PPP1R13B: variants seen among roughly 807,000 people sequenced by gnomAD.
The protein encoded by PPP1R13B is protein phosphatase 1 regulatory subunit 13B.
In PPP1R13B, 44 loss-of-function variants were observed where a neutral mutation model predicts 119.8. The ratio of observed to expected loss-of-function variants is 0.37; its 90% CI spans 0.29 to 0.47. PPP1R13B has a LOEUF of 0.47. Ranked by LOEUF, PPP1R13B falls within the 20% of genes least tolerant of loss-of-function variation. PPP1R13B has a pLI of 0.99. For synonymous variants in PPP1R13B, 542 were observed against 561.5 expected, an observed-to-expected ratio of 0.97 and a Z score of 0.49; for missense variants, 1,227 against 1,413.5, an observed-to-expected ratio of 0.87 and a Z score of 2.12.
chr14:103,767,448 C>T (rs899765651), intron 4 of PPP1R13B, among the ~76,000 whole-genome samples: 5 of 151,986 alleles, frequency 3.3e-5, no homozygotes, highest in African/African-American at 7.2e-5. Context: ...TCTGAGATTC[C>T]AGGAGTTGTG....
chr14:103,793,199 GAGGAAAGGAA>G (rs967080084), intron 2 of PPP1R13B, among the ~76,000 whole-genome samples: 2 of 151,094 alleles, frequency 1.3e-5, no homozygotes, highest in South Asian at 2.1e-4. Context: ...GAAGAGAAGT[GAGGAAAGGAA>G]AGAAAAGGAA....
chr14:103,812,714 CA>C (rs2086190594), intron 1 of PPP1R13B, among the ~76,000 whole-genome samples: 1 of 152,208 alleles, frequency 6.6e-6, no homozygotes, highest in African/African-American at 2.4e-5. Flanking sequence ...CGCACCTGGC[CA>C]AAACAACCTA....
intron 8 of PPP1R13B, among the ~76,000 whole-genome samples, chr14:103,748,116 TGCACGC>T (rs1318789286): frequency 2.2e-4 from 29 of 132,188 alleles, no homozygotes; most frequent in East Asian, 9.6e-4. Context: ...CACACACACG[TGCACGC>T]GCACGCTACT....
At position 103,742,286 on chromosome 14, in the gene PPP1R13B, G is replaced by A. The variant is rs146468081; in HGVS notation, c.1326C>T (p.Ile442=). 9.6e-6 allele frequency: 15 copies of A among 1,554,468 alleles called. No individual in the cohort carries two copies. Among genetic ancestry groups the A allele is most frequent in the Middle Eastern group, 1.7e-4 (1 of 5,824 alleles). The change falls in exon 11 of 17, where the codon ATC becomes ATT. Residue 442 remains isoleucine (I), a synonymous_variant. Coordinates refer to ENST00000202556, the MANE Select transcript of PPP1R13B (RefSeq NM_015316.3). The surrounding 1 kb of genome is among the most constrained non-coding windows in gnomAD (Gnocchi z 4.9). Reference sequence around the variant, plus strand: ...TGGGAGGTGGCACTTTACCAATCTCGATGCCCTAAGTTTAGGTGTTAAGAA... The same window carrying A: ...TGGGAGGTGGCACTTTACCAATCTCAATGCCCTAAGTTTAGGTGTTAAGAA... ...SALGPTEKPG[I]EIGKVPPPIP...
intron 4 of PPP1R13B, among the ~76,000 whole-genome samples, chr14:103,766,170 A>T (rs947221160): frequency 2.0e-5 from 3 of 151,794 alleles, no homozygotes; most frequent in Non-Finnish European, 4.4e-5. Context: ...CACCATGCCC[A>T]GCTAATTTTT....
intron 2 of PPP1R13B, among the ~76,000 whole-genome samples, chr14:103,788,069 C>T (rs1595773388): frequency 6.6e-6 from 1 of 151,104 alleles, no homozygotes; most frequent in East Asian, 2.0e-4. Context: ...GCCATGACTG[C>T]ACAATGCACT....
chr14:103,776,338 G>A (rs2085195040), intron 4 of PPP1R13B, among the ~76,000 whole-genome samples: 1 of 152,144 alleles, frequency 6.6e-6, no homozygotes, highest in Non-Finnish European at 1.5e-5. Flanking sequence ...AAGTATATGA[G>A]GTAGGGTCAC....
intron 1 of PPP1R13B, among the ~76,000 whole-genome samples, chr14:103,812,630 G>A (rs1459335454): frequency 6.6e-6 from 1 of 151,894 alleles, no homozygotes; most frequent in Non-Finnish European, 1.5e-5. Flanking sequence ...TGTTGGCCAG[G>A]CTGGTCTCGA....
chr14:103,830,946 T>TC (rs2086652417), intron 1 of PPP1R13B, among the ~76,000 whole-genome samples: 1 of 150,696 alleles, frequency 6.6e-6, no homozygotes, highest in Non-Finnish European at 1.5e-5. Flanking sequence ...TCAAGTAATT[T>TC]TTTTTTTTTT....
At chr14:103,778,959 T>C (rs2085274749) in intron 3 of PPP1R13B, 138 bp from the exon 4 acceptor site, 3 of 693,258 alleles carry the variant, frequency 4.3e-6, no homozygotes, top group African/African-American at 3.6e-5. Context: ...TTTAGTACAG[T>C]TGAAAAAATG....
At chr14:103,808,997 G>A (rs1425788952) in intron 1 of PPP1R13B, among the ~76,000 whole-genome samples, 1 of 152,036 alleles carries the variant, frequency 6.6e-6, no homozygotes, top group South Asian at 2.1e-4. Flanking sequence ...CAACTTTCAA[G>A]TAGCTGAGAC....
rs548679108 is a variant in PPP1R13B, at chr14:103,794,500, G to GT, written c.157+2870dup. The GT allele has an allele frequency of 2.9e-4, 76 of 261,596 alleles. No individual in the cohort carries two copies. In the East Asian group the frequency reaches 7.0e-3, roughly 24 times the overall value. 16.2% of individuals were successfully genotyped at this position (261,596 alleles called of 1,614,324 possible). Reference sequence around the variant, plus strand: ...CACCACCATGCCCAGCTAATTTTTTGTTTTTTTAGTAGAGACAGGGTTTCA... The same window carrying GT: ...CACCACCATGCCCAGCTAATTTTTTGTTTTTTTTAGTAGAGACAGGGTTTCA... On this transcript the variant is annotated intron_variant, in intron 2 of 16. Transcript: ENST00000202556.
At chr14:103,746,919 CCT>C (rs2084399403) in intron 8 of PPP1R13B, 1 of 164,258 alleles carries the variant, frequency 6.1e-6, no homozygotes, top group South Asian at 1.9e-4. Context: ...CTTCAAATCC[CCT>C]CTGTGACTTA....
In PPP1R13B at chr14:103,734,977, GCAA is replaced by G. The variant is rs1401781356; in HGVS notation, c.*174_*176del. The G allele has an allele frequency of 2.6e-6, 2 of 764,990 alleles. No individual in the cohort carries two copies. Among genetic ancestry groups the G allele is most frequent in the East Asian group, 5.4e-5 (2 of 37,082 alleles). 47.4% of individuals were successfully genotyped at this position (764,990 alleles called of 1,614,324 possible). On this transcript the variant is annotated 3_prime_UTR_variant, in exon 17 of 17. Coordinates refer to ENST00000202556, the MANE Select transcript of PPP1R13B (RefSeq NM_015316.3). ...CGAAAGTACCTCTCCCAGTTAATGGGCAAACTGGAGAAAGGGCCTCACCTGGAA... is the reference window on the plus strand; with the variant it reads ...CGAAAGTACCTCTCCCAGTTAATGGGACTGGAGAAAGGGCCTCACCTGGAA...
Position 103,756,714 on chromosome 14 carries a change from A to G in PPP1R13B, c.456+936T>C, listed in dbSNP as rs75121954. On this transcript the variant is annotated intron_variant, in intron 5 of 16. Transcript: ENST00000202556. ...CAATGACACAGCCAAGAACATACCC[A>G]GAGGCAAAAGGAGATAACAAAAGCA... Among the ~76,000 whole-genome samples the G allele has an allele frequency of 6.5e-4, 99 of 151,820 alleles. 1 individual carries two copies. The East Asian group carries it at 0.019, about 29-fold the overall frequency.
chr14:103,738,439 T>C lies in PPP1R13B; in HGVS notation c.2864+240A>G. The stretch of plus-strand genomic sequence containing the variant: ...TTCACAGAATGCTTAGACTGCAATG[T>C]TAATGACGAGGCACAGAAAGAGCAT... On this transcript the variant is annotated intron_variant, in intron 14 of 16. Coordinates refer to ENST00000202556, the MANE Select transcript of PPP1R13B (RefSeq NM_015316.3). This position sits in a 1 kb window ranked among gnomAD's most constrained non-coding sequence, Gnocchi z 5.6. 3.5e-6 allele frequency: 2 copies of C among 570,752 alleles called. No individual in the cohort carries two copies. Among genetic ancestry groups the C allele is most frequent in the East Asian group, 6.2e-5 (2 of 32,002 alleles). The allele number at this position is 570,752 out of a possible 1,614,324, so 35.4% of individuals were successfully genotyped here.
At chr14:103,840,449 A>C (rs774268816) in intron 1 of PPP1R13B, among the ~76,000 whole-genome samples, 1 of 152,238 alleles carries the variant, frequency 6.6e-6, no homozygotes, top group Non-Finnish European at 1.5e-5. Context: ...CATTTAACAC[A>C]TTTACATTTA....
At chr14:103,737,576 C>A in intron 15 of PPP1R13B, 118 bp downstream of exon 15, 1 of 1,292,390 alleles carries the variant, frequency 7.7e-7, no homozygotes, top group East Asian at 2.5e-5. Flanking sequence ...ACCTTGTCTC[C>A]TGTCTTAAAA....
chr14:103,793,792 G>A (rs2085687920), intron 2 of PPP1R13B, among the ~76,000 whole-genome samples: 1 of 152,182 alleles, frequency 6.6e-6, no homozygotes, highest in South Asian at 2.1e-4. Context: ...GTGTGGGGAA[G>A]GGAACCACAC....
Sources: allele counts gnomAD v4.1 joint callset (sites outside exome capture counted in the v4.1 genomes callset), GRCh38; gene constraint gnomAD v4.1.1; non-coding constraint Gnocchi (gnomAD v3.1); transcripts MANE v1.5; gene names NCBI Gene and HGNC (gene_info 2026-07-23, HGNC 2026-07-21).